GABRA3: variants seen among roughly 807,000 people sequenced by gnomAD.
GABRA3 encodes gamma-aminobutyric acid receptor subunit alpha-3.
In GABRA3, 10 loss-of-function variants were observed where a neutral mutation model predicts 30.1. The observed-to-expected ratio is 0.33, with a 90% CI of 0.20 to 0.56. GABRA3 has a LOEUF of 0.56. Among genes scored for constraint, GABRA3 ranks in the 20% least tolerant of loss-of-function variants. The pLI is 0.89. For synonymous variants in GABRA3, 151 were observed against 146.8 expected, an observed-to-expected ratio of 1.03 and a Z score of -0.21; for missense variants, 233 against 392.0, an observed-to-expected ratio of 0.59 and a Z score of 3.42.
intron 1 of GABRA3, among the ~76,000 whole-genome samples, chrX:152,381,828 G>C (rs1370868941): frequency 9.1e-6 from 1 of 110,449 alleles, no homozygotes; most frequent in African/African-American, 3.3e-5. Flanking sequence ...GTGTTAGTTT[G>C]CTGAGAATGA....
chrX:152,248,174 AT>A (rs1210019823), intron 5 of GABRA3, among the ~76,000 whole-genome samples: 5 of 110,142 alleles, frequency 4.5e-5, no homozygotes, highest in African/African-American at 1.7e-4. Flanking sequence ...ATTTCTATTT[AT>A]CTTCCAGAAT....
At chrX:152,289,194 C>T (rs746936545) in intron 3 of GABRA3, among the ~76,000 whole-genome samples, 2 of 109,103 alleles carry the variant, frequency 1.8e-5, no homozygotes, top group East Asian at 2.9e-4. Flanking sequence ...TCTGGTTTTA[C>T]CTCAAATATA....
chrX:152,338,262 T>C (rs1002768386), intron 3 of GABRA3, among the ~76,000 whole-genome samples: 2 of 112,283 alleles, frequency 1.8e-5, no homozygotes, highest in Admixed American at 9.4e-5. Flanking sequence ...GTAGTTTCGA[T>C]GTGCACTTCC....
At position 152,215,053 on chromosome X, in the gene GABRA3, TA is replaced by T. The variant is rs200165946; in HGVS notation, c.635-6910del. Among the ~76,000 whole-genome samples, 675 of 102,511 alleles carry T rather than the reference TA, an allele frequency of 6.6e-3. 4 individuals carry two copies. Among genetic ancestry groups the T allele is most frequent in the African/African-American group, 0.021 (531 of 25,894 alleles). 89.0% of individuals were successfully genotyped at this position (102,511 alleles called of 115,157 possible). A position where few individuals can be genotyped will look rare whatever the true frequency, so the allele number is the denominator to read the frequency against. ...GTGTGTATGGATATATATATATATA[TA>T]TTTTTTTATATGATTATGTCATCTG... On this transcript the variant is annotated intron_variant, in intron 6 of 9. Coordinates refer to ENST00000370314, the MANE Select transcript of GABRA3 (RefSeq NM_000808.4).
At chrX:152,232,444 C>T (rs1431398646) in intron 5 of GABRA3, among the ~76,000 whole-genome samples, 3 of 109,904 alleles carry the variant, frequency 2.7e-5, no homozygotes, top group Non-Finnish European at 5.7e-5. Flanking sequence ...TCTCCAATGT[C>T]TATTATTCCA....
rs765031018 is a variant in GABRA3, at chrX:152,272,452, AC to A, written c.330+12215del. Among the ~76,000 whole-genome samples, 25 of 112,199 alleles carry A rather than the reference AC, an allele frequency of 2.2e-4. 1 individual carries two copies. In the Middle Eastern group the frequency reaches 0.023, roughly 104 times the overall value. Reference sequence around the variant, plus strand: ...ATGGATGTATTTATCCAGCGCCTGTACCCCCATTGTATCTAGAAAGTAACTA... The same window carrying A: ...ATGGATGTATTTATCCAGCGCCTGTACCCCATTGTATCTAGAAAGTAACTA... On this transcript the variant is annotated intron_variant, in intron 4 of 9. Transcript: ENST00000370314.
intron 1 of GABRA3, among the ~76,000 whole-genome samples, chrX:152,432,033 T>C (rs1299802549): frequency 2.7e-5 from 3 of 111,871 alleles, no homozygotes; most frequent in Non-Finnish European, 3.8e-5. Context: ...CAACATGTTA[T>C]CTGGCTCAGC....
chrX:152,179,738 C>T (rs1569347270), intron 9 of GABRA3, among the ~76,000 whole-genome samples: 3 of 110,808 alleles, frequency 2.7e-5, no homozygotes, highest in East Asian at 5.7e-4. Flanking sequence ...TCGTGATCTG[C>T]CCGCTTCAGT....
chrX:152,240,290 A>T (rs1938332105), intron 5 of GABRA3, among the ~76,000 whole-genome samples: 2 of 101,255 alleles, frequency 2.0e-5, no homozygotes, highest in South Asian at 8.6e-4. Flanking sequence ...CTGGTTTGAA[A>T]ATTCTTTTCT....
intron 3 of GABRA3, among the ~76,000 whole-genome samples, chrX:152,300,733 A>G (rs188322867): frequency 8.9e-6 from 1 of 112,533 alleles, no homozygotes; most frequent in Non-Finnish European, 1.9e-5. Flanking sequence ...AAAAAATGCA[A>G]TTACCAAAAT....
rs1940171442 is a variant in GABRA3 at position 152,331,918 on chromosome X, T to TAAATCTAC, written c.262+13655_262+13662dup. Reference sequence around the variant, plus strand: ...TAATATATACCTAATTAATGTTAAATAAATCTACATTTAGTCATTAAAGTT... The same window carrying TAAATCTAC: ...TAATATATACCTAATTAATGTTAAATAAATCTACAAATCTACATTTAGTCATTAAAGTT... On this transcript the variant is annotated intron_variant, in intron 3 of 9. Coordinates refer to ENST00000370314, the MANE Select transcript of GABRA3 (RefSeq NM_000808.4). Among the ~76,000 whole-genome samples the TAAATCTAC allele has an allele frequency of 3.6e-5, 4 of 112,206 alleles. No individual in the cohort carries two copies. In the South Asian group the frequency reaches 1.5e-3, roughly 42 times the overall value.
At chrX:152,344,254 T>C (rs1181244872) in intron 3 of GABRA3, among the ~76,000 whole-genome samples, 1 of 111,904 alleles carries the variant, frequency 8.9e-6, no homozygotes. Context: ...CCAAATGGAA[T>C]AGGCTTCCAC....
At chrX:152,272,094 G>A in intron 4 of GABRA3, among the ~76,000 whole-genome samples, 1 of 111,840 alleles carries the variant, frequency 8.9e-6, no homozygotes, top group Non-Finnish European at 1.9e-5. Context: ...TCCCCACTGG[G>A]GCACTGCCTA....
intron 1 of GABRA3, among the ~76,000 whole-genome samples, chrX:152,381,423 A>T (rs1929141036): frequency 1.8e-5 from 2 of 111,205 alleles, no homozygotes. Flanking sequence ...CTTGCTATTG[A>T]GTTGTGTGAG....
intron 4 of GABRA3, among the ~76,000 whole-genome samples, chrX:152,276,744 A>C (rs922400541): frequency 9.0e-6 from 1 of 111,695 alleles, no homozygotes. Context: ...ACGTGGTAAA[A>C]AATAAGTTGT....
chrX:152,185,519 T>TA (rs1029800580), intron 9 of GABRA3, among the ~76,000 whole-genome samples: 14 of 109,842 alleles, frequency 1.3e-4, no homozygotes, highest in East Asian at 8.5e-4. Context: ...TTACTGGCCA[T>TA]AAAAAAAAAT....
In GABRA3 at chrX:152,345,787, C is replaced by T. The variant is rs1175235884; in HGVS notation, c.141-85G>A. 1.6e-5 allele frequency: 14 copies of T among 897,143 alleles called. 1 individual carries two copies. In the East Asian group the frequency reaches 4.7e-4, roughly 30 times the overall value. The allele number at this position is 897,143 out of a possible 1,213,427, so 73.9% of individuals were successfully genotyped here. On this transcript the variant is annotated intron_variant, in intron 2 of 9. Transcript: ENST00000370314. ...GACTAGATATCGTAATTCAAGATTT[C>T]AATTAATAGACTGGGCCAATTACAT...
intron 1 of GABRA3, among the ~76,000 whole-genome samples, chrX:152,417,351 T>C (rs12395314): frequency 0.5 from 51,982 of 104,031 alleles, 12,341 homozygotes; most frequent in African/African-American, 0.81. Flanking sequence ...GTTAGAATGG[T>C]GATCATTAAA....
chrX:152,351,051 C>A (rs1940471955), intron 2 of GABRA3, among the ~76,000 whole-genome samples: 1 of 111,870 alleles, frequency 8.9e-6, no homozygotes. Flanking sequence ...GATGTGCTGT[C>A]ATTCAAGCTT....
Sources: gnomAD v4.1 joint callset for allele counts (sites outside exome capture counted in the v4.1 genomes callset) on GRCh38, gnomAD v4.1.1 for gene constraint, MANE v1.5 for transcripts, NCBI Gene and HGNC (gene_info 2026-07-23, HGNC 2026-07-21) for gene names.